TMEM117: variants seen among roughly 807,000 people sequenced by gnomAD.
The protein encoded by TMEM117 is transmembrane protein 117.
In TMEM117, 27 loss-of-function variants were observed where a neutral mutation model predicts 52.4. That is an observed-to-expected ratio of 0.51 (90% CI 0.38 to 0.71). TMEM117 has a LOEUF of 0.71. Ranked by LOEUF, TMEM117 falls within the 30% of genes least tolerant of loss-of-function variation. The pLI is 0.00. For missense variants in TMEM117, 556 were observed against 630.5 expected (o/e 0.88, Z 1.26); for synonymous variants, 215 against 206.3 (o/e 1.04, Z -0.36).
intron 6 of TMEM117, among the ~76,000 whole-genome samples, chr12:44,325,448 G>A (rs1951182656): frequency 6.6e-6 from 1 of 151,646 alleles, no homozygotes; most frequent in Admixed American, 6.6e-5. Flanking sequence ...GAGGACAAGG[G>A]ACGAAAGATG....
chr12:44,062,902 AG>A, intron 3 of TMEM117, among the ~76,000 whole-genome samples: 1 of 152,374 alleles, frequency 6.6e-6, no homozygotes, highest in Admixed American at 6.5e-5. Flanking sequence ...ATGGTGGGTT[AG>A]TTATGAGTCC....
At chr12:43,802,489 A>G in the TMEM117 span, 1 of 1,565,054 alleles carries the variant, frequency 6.4e-7, no homozygotes, top group Non-Finnish European at 8.8e-7. Context: ...TTTTAGAAAG[A>G]TAGGTAAATG....
intron 5 of TMEM117, among the ~76,000 whole-genome samples, chr12:44,268,012 A>C (rs1319072997): frequency 6.6e-6 from 1 of 152,138 alleles, no homozygotes; most frequent in Non-Finnish European, 1.5e-5. Context: ...TTGGATATGT[A>C]CCCAGTAGTG....
At chr12:44,309,446 T>C (rs1441758163) in intron 6 of TMEM117, among the ~76,000 whole-genome samples, 1 of 151,096 alleles carries the variant, frequency 6.6e-6, no homozygotes, top group Non-Finnish European at 1.5e-5. Flanking sequence ...TGGAATCCAG[T>C]AACAGGAGAC....
intron 2 of TMEM117, among the ~76,000 whole-genome samples, chr12:43,913,098 G>A (rs535605893): frequency 3.4e-4 from 52 of 152,248 alleles, no homozygotes; most frequent in African/African-American, 1.2e-3. Flanking sequence ...TTTGATATCT[G>A]TTGAACATAT....
intron 4 of TMEM117, among the ~76,000 whole-genome samples, chr12:44,156,229 A>T (rs1948823865): frequency 6.6e-6 from 1 of 152,152 alleles, no homozygotes; most frequent in Non-Finnish European, 1.5e-5. Flanking sequence ...TTTGTTGACT[A>T]ACTTACTAGC....
At chr12:44,035,553 C>T (rs563872478) in intron 3 of TMEM117, among the ~76,000 whole-genome samples, 4 of 152,250 alleles carry the variant, frequency 2.6e-5, no homozygotes, top group South Asian at 2.1e-4. Context: ...AAGCAGGAGA[C>T]CAGCCAGGAG....
chr12:44,285,822 A>G (rs1950631827), intron 5 of TMEM117, among the ~76,000 whole-genome samples: 3 of 152,240 alleles, frequency 2.0e-5, no homozygotes, highest in Admixed American at 2.0e-4. Context: ...TAGTGTTCAC[A>G]GGCAACTGAA....
At chr12:43,958,205 T>C (rs1222852627) in intron 3 of TMEM117, among the ~76,000 whole-genome samples, 1 of 152,222 alleles carries the variant, frequency 6.6e-6, no homozygotes, top group African/African-American at 2.4e-5. Flanking sequence ...TGCATCTATA[T>C]GTTTATAGAC....
intron 3 of TMEM117, among the ~76,000 whole-genome samples, chr12:44,023,807 C>T (rs1373373576): frequency 9.7e-6 from 1 of 102,916 alleles, no homozygotes; most frequent in Admixed American, 1.5e-4. Context: ...ACTCCGGGGA[C>T]TGTTGTGGGG....
At chr12:44,041,779 A>G (rs575503139) in intron 3 of TMEM117, among the ~76,000 whole-genome samples, 4 of 152,294 alleles carry the variant, frequency 2.6e-5, no homozygotes, top group African/African-American at 9.6e-5. Context: ...ACCATGATCA[A>G]GTAGGGTTTA....
rs1952139481 is a variant in TMEM117 at position 44,389,282 on chromosome 12, C to T, written c.*610C>T. ...CAGTAATAGGAGATCCATAACCCAA[C>T]ATGGGTCACTACTCGTGAAATGTGA... On this transcript the variant is annotated 3_prime_UTR_variant, in exon 8 of 8. Coordinates refer to ENST00000266534, the MANE Select transcript of TMEM117 (RefSeq NM_032256.3). The T allele has an allele frequency of 1.3e-5, 2 of 152,918 alleles. No homozygotes were observed. Among genetic ancestry groups the T allele is most frequent in the African/African-American group, 4.8e-5 (2 of 41,436 alleles). The allele number at this position is 152,918 out of a possible 1,614,324, so 9.5% of individuals were successfully genotyped here. A position where few individuals can be genotyped will look rare whatever the true frequency, so the allele number is the denominator to read the frequency against.
At chr12:44,210,722 G>A (rs1188752401) in intron 4 of TMEM117, among the ~76,000 whole-genome samples, 1 of 152,124 alleles carries the variant, frequency 6.6e-6, no homozygotes, top group Non-Finnish European at 1.5e-5. Context: ...TTAGGCCTCG[G>A]AAGATGGGCA....
At chr12:44,081,199 A>T (rs1181924408) in intron 3 of TMEM117, among the ~76,000 whole-genome samples, 1 of 152,212 alleles carries the variant, frequency 6.6e-6, no homozygotes, top group East Asian at 1.9e-4. Context: ...ATTGGTACTA[A>T]AAGAATAATC....
chr12:43,831,816 T>G (rs2137327648), upstream of TMEM117, among the ~76,000 whole-genome samples: 1 of 152,264 alleles, frequency 6.6e-6, no homozygotes, highest in Middle Eastern at 3.4e-3. Context: ...GTGCTGGCAT[T>G]ACAGGAGTGA....
intron 3 of TMEM117, among the ~76,000 whole-genome samples, chr12:44,135,266 A>G (rs1256054707): frequency 6.6e-6 from 1 of 152,206 alleles, no homozygotes; most frequent in Non-Finnish European, 1.5e-5. Flanking sequence ...ATAAATTACT[A>G]GAAAACAGGC....
At chr12:44,043,153 T>C (rs2137902732) in intron 3 of TMEM117, among the ~76,000 whole-genome samples, 1 of 152,290 alleles carries the variant, frequency 6.6e-6, no homozygotes, top group Non-Finnish European at 1.5e-5. Context: ...CTAAGTTTAG[T>C]GGACAAAGTG....
At chr12:44,181,840 C>T (rs907846056) in intron 4 of TMEM117, among the ~76,000 whole-genome samples, 32 of 151,348 alleles carry the variant, frequency 2.1e-4, no homozygotes, top group African/African-American at 7.8e-4. Flanking sequence ...GATGCGGGCT[C>T]TTTTTTGGTT....
chr12:44,056,849 A>G (rs1947063404), intron 3 of TMEM117, among the ~76,000 whole-genome samples: 4 of 152,140 alleles, frequency 2.6e-5, no homozygotes, highest in South Asian at 2.1e-4. Context: ...GGGACAGGCT[A>G]TATTATTACC....
Sources: gnomAD v4.1 joint callset for allele counts (sites outside exome capture counted in the v4.1 genomes callset) on GRCh38, gnomAD v4.1.1 for gene constraint, MANE v1.5 for transcripts, NCBI Gene and HGNC (gene_info 2026-07-23, HGNC 2026-07-21) for gene names.